The following CAMK1D variants were observed in gnomAD, a reference collection of about 807,000 sequenced individuals.
CAMK1D encodes calcium/calmodulin-dependent protein kinase type 1D.
In CAMK1D, 9 loss-of-function variants were observed where a neutral mutation model predicts 47.7. The ratio of observed to expected loss-of-function variants is 0.19; its 90% CI spans 0.11 to 0.33. The LOEUF (loss-of-function observed/expected upper bound fraction) is 0.33. Among genes scored for constraint, CAMK1D ranks in the 10% least tolerant of loss-of-function variants. The pLI, the probability that CAMK1D is intolerant of heterozygous loss-of-function variation, is 1.00. For synonymous variants in CAMK1D, 184 were observed against 184.9 expected (o/e 0.99, Z 0.04); for missense variants, 291 against 488.7 (o/e 0.60, Z 3.81).
At chr10:12,648,781 T>C (rs1257601914) in intron 2 of CAMK1D, among the ~76,000 whole-genome samples, 1 of 152,236 alleles carries the variant, frequency 6.6e-6, no homozygotes, top group Non-Finnish European at 1.5e-5. Flanking sequence ...TCTCTTTTTA[T>C]TTAATCTTCA....
At position 12,832,283 on chromosome 10, in the gene CAMK1D, T is replaced by C. The variant is rs1644398; in HGVS notation, c.*3396T>C. The C allele has an allele frequency of 0.15, 22,263 of 152,250 alleles. 1,749 individuals carry two copies. The highest frequency in any genetic ancestry group is 0.18 in the Non-Finnish European group (11,974 of 68,060). The allele number at this position is 152,250 out of a possible 1,614,324, so 9.4% of individuals were successfully genotyped here. A position where few individuals can be genotyped will look rare whatever the true frequency, so the allele number is the denominator to read the frequency against. Reference sequence around the variant, plus strand: ...ACCAACAGGCCAGCAGCTTGGCCCTTTTCACAGAGGTGGCCTTGGAGTCTG... The same window carrying C: ...ACCAACAGGCCAGCAGCTTGGCCCTCTTCACAGAGGTGGCCTTGGAGTCTG... On this transcript the variant is annotated 3_prime_UTR_variant, in exon 11 of 11. Transcript: ENST00000619168.
intron 1 of CAMK1D, among the ~76,000 whole-genome samples, chr10:12,541,297 C>T (rs917814027): frequency 6.6e-5 from 10 of 152,152 alleles, no homozygotes; most frequent in African/African-American, 1.7e-4. Context: ...CAAGTTTCTG[C>T]CTGGAGAGTT....
rs77050493 is a variant in CAMK1D at position 12,782,039 on chromosome 10, A to G, written c.566-9119A>G. 6.0e-3 allele frequency among the ~76,000 whole-genome samples: 893 copies of G among 148,638 alleles called. 4 individuals are homozygous for G. The highest frequency in any genetic ancestry group is 0.035 in the Middle Eastern group (10 of 286). ...AGGCAATTCATTCCTCATGAATGAC[A>G]GCTCTAGGTGAAGGCTGATAGAGAC... On this transcript the variant is annotated intron_variant, in intron 5 of 10. Transcript: ENST00000619168.
At chr10:12,648,556 C>T (rs1345887242) in intron 2 of CAMK1D, among the ~76,000 whole-genome samples, 4 of 152,112 alleles carry the variant, frequency 2.6e-5, no homozygotes, top group African/African-American at 9.7e-5. Context: ...CTGCAACCTC[C>T]GCCCCCCAGA....
At chr10:12,438,342 C>T (rs1466569619) in intron 1 of CAMK1D, among the ~76,000 whole-genome samples, 5 of 152,158 alleles carry the variant, frequency 3.3e-5, no homozygotes, top group African/African-American at 9.7e-5. Context: ...TTTTTTCCAT[C>T]TCTGAGACTT....
At chr10:12,782,807 G>GT (rs1837557651) in intron 5 of CAMK1D, among the ~76,000 whole-genome samples, 1 of 152,098 alleles carries the variant, frequency 6.6e-6, no homozygotes, top group Non-Finnish European at 1.5e-5. Context: ...CCTTGCAGGC[G>GT]TAACTCTAGG....
At chr10:12,402,110 C>G (rs1839248593) in intron 1 of CAMK1D, among the ~76,000 whole-genome samples, 1 of 151,150 alleles carries the variant, frequency 6.6e-6, no homozygotes, top group South Asian at 2.1e-4. Context: ...CGCTCTGTCG[C>G]CTTGTGTTTT....
Position 12,505,479 on chromosome 10 carries a change from T to C in CAMK1D, c.93-47746T>C, listed in dbSNP as rs1834841585. 2.6e-5 allele frequency among the ~76,000 whole-genome samples: 4 copies of C among 152,208 alleles called. No homozygotes were observed. The South Asian group carries it at 8.3e-4, about 32-fold the overall frequency. On this transcript the variant is annotated intron_variant, in intron 1 of 10. Transcript: ENST00000619168. Reference sequence around the variant, plus strand: ...AGCCTCCTAATGTGACCAGTGTCAGTGCTGCTTCTCACTCAGAGCCCAGGC... The same window carrying C: ...AGCCTCCTAATGTGACCAGTGTCAGCGCTGCTTCTCACTCAGAGCCCAGGC...
chr10:12,565,729 A>G (rs1837102411), intron 2 of CAMK1D, among the ~76,000 whole-genome samples: 1 of 152,172 alleles, frequency 6.6e-6, no homozygotes, highest in African/African-American at 2.4e-5. Flanking sequence ...TTCACAGATG[A>G]GGAATTTGGA....
chr10:12,752,469 T>A (rs1169952784), intron 3 of CAMK1D, among the ~76,000 whole-genome samples: 1 of 152,050 alleles, frequency 6.6e-6, no homozygotes, highest in Admixed American at 6.6e-5. Flanking sequence ...GGATGATGGA[T>A]GAGAAATTAC....
chr10:12,736,379 A>G (rs1190506877), intron 3 of CAMK1D, among the ~76,000 whole-genome samples: 1 of 152,218 alleles, frequency 6.6e-6, no homozygotes, highest in East Asian at 1.9e-4. Flanking sequence ...ACTGTTGACT[A>G]GATAAGCATC....
intron 1 of CAMK1D, among the ~76,000 whole-genome samples, chr10:12,377,712 A>G (rs1215169913): frequency 6.6e-6 from 1 of 152,176 alleles, no homozygotes; most frequent in Non-Finnish European, 1.5e-5. Flanking sequence ...ATTTTTAATG[A>G]TTGGAGAACA....
At chr10:12,726,011 C>A (rs1316002916) in intron 3 of CAMK1D, among the ~76,000 whole-genome samples, 1 of 152,040 alleles carries the variant, frequency 6.6e-6, no homozygotes, top group East Asian at 1.9e-4. Context: ...CCCACCTCGG[C>A]CTCCCAAAGT....
intron 2 of CAMK1D, among the ~76,000 whole-genome samples, chr10:12,611,395 G>C (rs1306759491): frequency 6.6e-6 from 1 of 151,812 alleles, no homozygotes; most frequent in Non-Finnish European, 1.5e-5. Flanking sequence ...CTCTACCCTC[G>C]CCTGGTTTCT....
At chr10:12,387,402 ATATATTATATATATTTTATATATTT>A (rs1838546992) in intron 1 of CAMK1D, among the ~76,000 whole-genome samples, 7 of 60,854 alleles carry the variant, frequency 1.2e-4, no homozygotes, top group African/African-American at 3.2e-4. Context: ...ATATATTTTT[ATATATTATATATATTTTATATATTT>A]TATATATTAT....
intron 4 of CAMK1D, among the ~76,000 whole-genome samples, chr10:12,763,918 T>C (rs889788854): frequency 6.6e-6 from 1 of 152,188 alleles, no homozygotes; most frequent in Non-Finnish European, 1.5e-5. Context: ...GGAATTGTGA[T>C]GCAATGTGGG....
intron 1 of CAMK1D, among the ~76,000 whole-genome samples, chr10:12,397,795 G>A (rs944111095): frequency 1.3e-5 from 2 of 152,184 alleles, no homozygotes; most frequent in African/African-American, 4.8e-5. Flanking sequence ...CTGTTGAAAA[G>A]TTTTTGAATC....
At chr10:12,511,821 C>T (rs1040048099) in intron 1 of CAMK1D, among the ~76,000 whole-genome samples, 2 of 152,250 alleles carry the variant, frequency 1.3e-5, no homozygotes, top group African/African-American at 4.8e-5. Flanking sequence ...CTTTCCACTA[C>T]AGTGATCATG....
chr10:12,703,833 C>G (rs1833624929), intron 3 of CAMK1D, among the ~76,000 whole-genome samples: 1 of 150,042 alleles, frequency 6.7e-6, no homozygotes, highest in Non-Finnish European at 1.5e-5. Context: ...CACGCCACTG[C>G]ACTCCAGCCA....
Sources: gnomAD v4.1 joint callset for allele counts (sites outside exome capture counted in the v4.1 genomes callset) on GRCh38, gnomAD v4.1.1 for gene constraint, MANE v1.5 for transcripts, NCBI Gene and HGNC (gene_info 2026-07-23, HGNC 2026-07-21) for gene names.